LGSN: variants seen among roughly 807,000 people sequenced by gnomAD.
LGSN encodes the protein lengsin, lens protein with glutamine synthetase domain.
LGSN carries 21 observed loss-of-function variants against 19.5 expected under a neutral mutation model. The observed-to-expected ratio is 1.07, with a 90% CI of 0.76 to 1.55. The LOEUF (loss-of-function observed/expected upper bound fraction) is 1.55, where lower values mean the gene tolerates loss of function less well. LGSN is among the 40% of genes most tolerant of loss of function. LGSN has a pLI of 0.00. For synonymous variants in LGSN, 257 were observed against 215.6 expected (o/e 1.19, Z -1.68); for missense variants, 673 against 608.5 (o/e 1.11, Z -1.12).
the LGSN span, among the ~76,000 whole-genome samples, chr6:63,491,901 T>C: frequency 6.6e-6 from 1 of 152,056 alleles, no homozygotes; most frequent in Non-Finnish European, 1.5e-5. Flanking sequence ...TAGTGGTGTG[T>C]GCCTGTAATC....
chr6:63,356,205 G>A, the LGSN span, among the ~76,000 whole-genome samples: 2 of 151,998 alleles, frequency 1.3e-5, no homozygotes, highest in Non-Finnish European at 2.9e-5. Flanking sequence ...TTATCGTTTT[G>A]GGGAAAAACA....
At chr6:63,518,995 G>A in the LGSN span, among the ~76,000 whole-genome samples, 1 of 152,144 alleles carries the variant, frequency 6.6e-6, no homozygotes, top group Non-Finnish European at 1.5e-5. Flanking sequence ...AGTAAAGCAT[G>A]TGCATATTCA....
At chr6:63,367,953 A>AG in the LGSN span, among the ~76,000 whole-genome samples, 3 of 140,684 alleles carry the variant, frequency 2.1e-5, no homozygotes, top group Admixed American at 2.1e-4. Context: ...GGGTGGGGGA[A>AG]GGGGGGAGGG....
chr6:63,412,761 A>AG, the LGSN span, among the ~76,000 whole-genome samples: 15 of 20,096 alleles, frequency 7.5e-4, 1 homozygote, highest in African/African-American at 3.4e-3. Flanking sequence ...GAAAGAAAGA[A>AG]AGAAAGAAAG....
chr6:63,429,735 CAAA>C, the LGSN span, among the ~76,000 whole-genome samples: 10 of 124,592 alleles, frequency 8.0e-5, no homozygotes, highest in Admixed American at 1.7e-4. Context: ...GACTCCATCT[CAAA>C]AAAAAAAAAA....
the LGSN span, among the ~76,000 whole-genome samples, chr6:63,329,685 G>T: frequency 6.6e-6 from 1 of 152,064 alleles, no homozygotes; most frequent in African/African-American, 2.4e-5. Flanking sequence ...CAGACTTCAG[G>T]GTTGATTTCC....
chr6:63,309,301 G>A (rs150155664), intron 1 of LGSN, among the ~76,000 whole-genome samples: 4 of 152,108 alleles, frequency 2.6e-5, no homozygotes, highest in African/African-American at 7.2e-5. Flanking sequence ...GTGTGGTAGC[G>A]GGTGCCTGTA....
chr6:63,488,955 G>C, the LGSN span, among the ~76,000 whole-genome samples: 1 of 151,882 alleles, frequency 6.6e-6, no homozygotes, highest in Admixed American at 6.6e-5. Context: ...GAATCTTTCT[G>C]GAAAGTCACT....
the LGSN span, among the ~76,000 whole-genome samples, chr6:63,386,402 CTAT>C: frequency 2.0e-5 from 3 of 151,506 alleles, no homozygotes; most frequent in Admixed American, 6.6e-5. Flanking sequence ...TTTTATTTTA[CTAT>C]TATTATTATT....
At chr6:63,555,322 T>A in the LGSN span, among the ~76,000 whole-genome samples, 1 of 152,310 alleles carries the variant, frequency 6.6e-6, no homozygotes, top group Non-Finnish European at 1.5e-5. Flanking sequence ...GAGAGTTCCC[T>A]GGAAATTAGA....
the LGSN span, among the ~76,000 whole-genome samples, chr6:63,409,584 T>C: frequency 1.3e-5 from 2 of 152,322 alleles, no homozygotes; most frequent in South Asian, 2.1e-4. Context: ...AGTTAATAGC[T>C]GTATAATTTA....
chr6:63,475,724 G>T, the LGSN span, among the ~76,000 whole-genome samples: 1 of 152,158 alleles, frequency 6.6e-6, no homozygotes, highest in African/African-American at 2.4e-5. Context: ...CAAGCACTAA[G>T]TTTAAAAAAG....
At chr6:63,372,577 C>T in the LGSN span, among the ~76,000 whole-genome samples, 1 of 152,098 alleles carries the variant, frequency 6.6e-6, no homozygotes, top group African/African-American at 2.4e-5. Context: ...TTGACTAGGG[C>T]TCATCATGCT....
the LGSN span, among the ~76,000 whole-genome samples, chr6:63,357,906 C>T: frequency 6.6e-6 from 1 of 151,882 alleles, no homozygotes; most frequent in Non-Finnish European, 1.5e-5. Flanking sequence ...AAGTCCTTGC[C>T]CATGCCTATG....
At chr6:63,532,675 T>C in the LGSN span, among the ~76,000 whole-genome samples, 1 of 152,104 alleles carries the variant, frequency 6.6e-6, no homozygotes, top group Admixed American at 6.6e-5. Flanking sequence ...GGGGAGGAAG[T>C]TGGAGAGTGA....
At chr6:63,317,204 C>T (rs1238274181) in intron 1 of LGSN, among the ~76,000 whole-genome samples, 1 of 152,104 alleles carries the variant, frequency 6.6e-6, no homozygotes, top group African/African-American at 2.4e-5. Context: ...TAATGAATGA[C>T]TCCTTTTTAA....
intron 1 of LGSN, among the ~76,000 whole-genome samples, chr6:63,308,774 A>T (rs1416867846): frequency 1.3e-5 from 2 of 152,236 alleles, no homozygotes; most frequent in Non-Finnish European, 2.9e-5. Flanking sequence ...TGTTAGAAAT[A>T]GTGGAAAAAG....
At chr6:63,491,742 C>T in the LGSN span, among the ~76,000 whole-genome samples, 4 of 152,110 alleles carry the variant, frequency 2.6e-5, no homozygotes, top group African/African-American at 9.7e-5. Context: ...TATAAATTCA[C>T]ATATGTGGCC....
the LGSN span, among the ~76,000 whole-genome samples, chr6:63,381,434 GAA>G: frequency 9.9e-4 from 150 of 152,164 alleles, 1 homozygote; most frequent in Non-Finnish European, 2.8e-4. Flanking sequence ...GGTACTGAAA[GAA>G]AAGAGTAGTA....
Sources: allele counts gnomAD v4.1 joint callset (sites outside exome capture counted in the v4.1 genomes callset), GRCh38; gene constraint gnomAD v4.1.1; transcripts MANE v1.5; gene names NCBI Gene and HGNC (gene_info 2026-07-23, HGNC 2026-07-21).